ENOX1: variants seen among roughly 807,000 people sequenced by gnomAD.
ENOX1 encodes the protein ecto-NOX disulfide-thiol exchanger 1, also known as candidate growth-related and time keeping constitutive hydroquinone (NADH) oxidase.
In ENOX1, 42 loss-of-function variants were observed where a neutral mutation model predicts 82.5. The observed-to-expected ratio is 0.51, with a 90% CI of 0.40 to 0.66. The LOEUF is 0.66. Ranked by LOEUF, ENOX1 falls within the 30% of genes least tolerant of loss-of-function variation. The pLI, the probability that ENOX1 is intolerant of heterozygous loss-of-function variation, is 0.00. For missense variants in ENOX1, 608 were observed against 811.6 expected (o/e 0.75, Z 3.05); for synonymous variants, 271 against 282.2 (o/e 0.96, Z 0.40).
chr13:43,575,234 A>G (rs1223062268), intron 2 of ENOX1, among the ~76,000 whole-genome samples: 2 of 152,210 alleles, frequency 1.3e-5, no homozygotes, highest in Admixed American at 6.5e-5. Flanking sequence ...AATTGATGGC[A>G]TAATGAGAAC....
At chr13:43,311,571 C>T (rs951899695) in intron 11 of ENOX1, among the ~76,000 whole-genome samples, 1 of 152,032 alleles carries the variant, frequency 6.6e-6, no homozygotes, top group Non-Finnish European at 1.5e-5. Flanking sequence ...GCTATGACTT[C>T]GGAGGGCACA....
chr13:43,348,499 G>T (rs1055443010), intron 8 of ENOX1, among the ~76,000 whole-genome samples: 1 of 152,170 alleles, frequency 6.6e-6, no homozygotes, highest in African/African-American at 2.4e-5. Flanking sequence ...GTTAACTGTG[G>T]TCAACTGCAG....
intron 2 of ENOX1, among the ~76,000 whole-genome samples, chr13:43,531,351 A>C (rs2078203926): frequency 6.6e-6 from 1 of 152,142 alleles, no homozygotes; most frequent in Non-Finnish European, 1.5e-5. Context: ...CATCAGAGAA[A>C]TGCAAATCAA....
intron 5 of ENOX1, among the ~76,000 whole-genome samples, chr13:43,363,847 G>A (rs2050678261): frequency 6.6e-6 from 1 of 152,184 alleles, no homozygotes; most frequent in African/African-American, 2.4e-5. Flanking sequence ...CAGAAATGGG[G>A]ACAGAAGATA....
Position 43,361,165 on chromosome 13 carries a change from C to T in ENOX1, c.382+114G>A, listed in dbSNP as rs1173004608. On this transcript the variant is annotated intron_variant, in intron 6 of 16. Coordinates refer to ENST00000690772, the MANE Select transcript of ENOX1 (RefSeq NM_001347969.2). ...CAAAAGGCCTTCTGTAGAACGGATCCCCACTCTGTGCATTTACGTGTGAGT... is the reference window on the plus strand; with the variant it reads ...CAAAAGGCCTTCTGTAGAACGGATCTCCACTCTGTGCATTTACGTGTGAGT... 1.5e-5 allele frequency: 16 copies of T among 1,097,906 alleles called. No homozygotes were observed. The East Asian group carries it at 2.9e-4, about 20-fold the overall frequency. The allele number at this position is 1,097,906 out of a possible 1,614,324, so 68.0% of individuals were successfully genotyped here.
At chr13:43,748,365 T>C (rs545370739) in intron 1 of ENOX1, among the ~76,000 whole-genome samples, 1 of 152,338 alleles carries the variant, frequency 6.6e-6, no homozygotes, top group Admixed American at 6.5e-5. Context: ...CACTTTTAAC[T>C]ATAAAGATGA....
At chr13:43,396,143 G>C (rs759471476) in intron 5 of ENOX1, among the ~76,000 whole-genome samples, 1 of 152,056 alleles carries the variant, frequency 6.6e-6, no homozygotes, top group Non-Finnish European at 1.5e-5. Flanking sequence ...TTTATCCTCT[G>C]GTACTGGTTA....
At chr13:43,247,436 G>A (rs2043138584) in intron 14 of ENOX1, among the ~76,000 whole-genome samples, 1 of 152,130 alleles carries the variant, frequency 6.6e-6, no homozygotes. Context: ...CACCACCTGT[G>A]CCCTTTCCCA....
intron 15 of ENOX1, among the ~76,000 whole-genome samples, chr13:43,236,131 A>T (rs2042537910): frequency 6.6e-6 from 1 of 152,158 alleles, no homozygotes; most frequent in Admixed American, 6.5e-5. Flanking sequence ...TTGGACAGGG[A>T]AGCCTGAAGC....
chr13:43,433,112 A>G (rs752893879), intron 3 of ENOX1, among the ~76,000 whole-genome samples: 1 of 152,158 alleles, frequency 6.6e-6, no homozygotes, highest in African/African-American at 2.4e-5. Flanking sequence ...GATTTAGCTC[A>G]TGGTTCTGCA....
chr13:43,735,318 T>C (rs888464186), intron 1 of ENOX1, among the ~76,000 whole-genome samples: 1 of 152,168 alleles, frequency 6.6e-6, no homozygotes, highest in Non-Finnish European at 1.5e-5. Flanking sequence ...AACAATCATA[T>C]AATAAAACAT....
rs755456094 is a variant in ENOX1 at position 43,344,756 on chromosome 13, A to C, written c.824-6T>G. ...CTCTGAAAACTTGCTATCATCTGGA[A>C]ATGGAAAACCACCAAGTACAAATCA... On this transcript the variant is annotated splice_polypyrimidine_tract_variant and splice_region_variant and intron_variant, in intron 8 of 16. Transcript: ENST00000690772. The C allele has an allele frequency of 1.1e-5, 18 of 1,612,958 alleles. No individual in the cohort carries two copies. The African/African-American group carries it at 2.4e-4, about 22-fold the overall frequency.
intron 5 of ENOX1, among the ~76,000 whole-genome samples, chr13:43,364,487 C>T (rs2050720418): frequency 1.3e-5 from 2 of 152,108 alleles, no homozygotes; most frequent in African/African-American, 4.8e-5. Context: ...CAGAGACTGG[C>T]CACAGCCAAG....
At chr13:43,566,837 T>C (rs991818645) in intron 2 of ENOX1, among the ~76,000 whole-genome samples, 10 of 152,248 alleles carry the variant, frequency 6.6e-5, no homozygotes, top group African/African-American at 2.4e-4. Flanking sequence ...GAAAATGCTT[T>C]GTGAATTAAA....
chr13:43,720,089 T>C (rs1007646926), intron 1 of ENOX1, among the ~76,000 whole-genome samples: 11 of 59,750 alleles, frequency 1.8e-4, no homozygotes, highest in African/African-American at 3.1e-4. Context: ...TTGTCTAAAA[T>C]TAATATAAAT....
At chr13:43,510,375 C>T (rs1369181167) in intron 2 of ENOX1, among the ~76,000 whole-genome samples, 1 of 151,994 alleles carries the variant, frequency 6.6e-6, no homozygotes, top group Non-Finnish European at 1.5e-5. Flanking sequence ...TTATATCATC[C>T]ACTACTGTAT....
At chr13:43,577,734 A>T (rs746570710) in intron 2 of ENOX1, among the ~76,000 whole-genome samples, 7 of 152,228 alleles carry the variant, frequency 4.6e-5, no homozygotes, top group Non-Finnish European at 7.3e-5. Flanking sequence ...GGAGTCCTCC[A>T]GACCACAGCA....
chr13:43,730,180 G>A (rs1021858120), intron 1 of ENOX1, among the ~76,000 whole-genome samples: 1 of 152,154 alleles, frequency 6.6e-6, no homozygotes, highest in Admixed American at 6.5e-5. Context: ...GCTGTAGTTG[G>A]CTACCTTAAA....
At chr13:43,303,914 T>C (rs2046722244) in intron 11 of ENOX1, among the ~76,000 whole-genome samples, 1 of 152,226 alleles carries the variant, frequency 6.6e-6, no homozygotes, top group Non-Finnish European at 1.5e-5. Context: ...TGAGAGCCAC[T>C]GCTCAGACCG....
Sources: allele counts gnomAD v4.1 joint callset (sites outside exome capture counted in the v4.1 genomes callset), GRCh38; gene constraint gnomAD v4.1.1; transcripts MANE v1.5; gene names NCBI Gene and HGNC (gene_info 2026-07-23, HGNC 2026-07-21).